Variants in TRAPPC9 observed in about 807,000 individuals in gnomAD.
TRAPPC9 encodes IKK2 binding protein.
In TRAPPC9, 83 loss-of-function variants were observed where a neutral mutation model predicts 124.0. The ratio of observed to expected loss-of-function variants is 0.67; its 90% CI spans 0.56 to 0.80. The LOEUF (loss-of-function observed/expected upper bound fraction) is 0.80. Among genes scored for constraint, TRAPPC9 ranks in the 30% least tolerant of loss-of-function variants. TRAPPC9 has a pLI of 0.00. For missense variants in TRAPPC9, 1,302 were observed against 1,508.3 expected, an observed-to-expected ratio of 0.86 and a Z score of 2.27; for synonymous variants, 638 against 617.5, an observed-to-expected ratio of 1.03 and a Z score of -0.49.
At chr8:140,342,659 C>A (rs1034629002) in intron 9 of TRAPPC9, among the ~76,000 whole-genome samples, 1 of 151,962 alleles carries the variant, frequency 6.6e-6, no homozygotes, top group African/African-American at 2.4e-5. Flanking sequence ...TCTCCCCAGC[C>A]CAGTGAAAAA....
intron 9 of TRAPPC9, among the ~76,000 whole-genome samples, chr8:140,343,865 G>A (rs1008242587): frequency 6.6e-6 from 1 of 152,080 alleles, no homozygotes; most frequent in African/African-American, 2.4e-5. Context: ...AGTCTTACTT[G>A]CACAAAATAA....
At chr8:139,899,247 A>G (rs1830868766) in intron 20 of TRAPPC9, among the ~76,000 whole-genome samples, 2 of 152,114 alleles carry the variant, frequency 1.3e-5, no homozygotes. Flanking sequence ...TCCACATGTA[A>G]TTTTTGACTC....
At chr8:140,404,785 C>CT (rs1166628746) in intron 6 of TRAPPC9, among the ~76,000 whole-genome samples, 3 of 150,598 alleles carry the variant, frequency 2.0e-5, no homozygotes, top group African/African-American at 7.4e-5. Flanking sequence ...TGTGAGCATG[C>CT]TTGTATGTAT....
chr8:140,091,165 G>A (rs374520342), intron 17 of TRAPPC9, among the ~76,000 whole-genome samples: 3 of 152,172 alleles, frequency 2.0e-5, no homozygotes, highest in African/African-American at 7.2e-5. Flanking sequence ...GAAGCCCCAC[G>A]ACTCGGAGGT....
intron 19 of TRAPPC9, among the ~76,000 whole-genome samples, chr8:139,971,611 C>G (rs1836070402): frequency 6.6e-6 from 1 of 152,096 alleles, no homozygotes; most frequent in African/African-American, 2.4e-5. Flanking sequence ...CACAAAGAAC[C>G]ATGCCTTGTT....
rs75923600 is a variant in TRAPPC9 at position 140,155,733 on chromosome 8, T to C, written c.2556+65726A>G. Among the ~76,000 whole-genome samples, 236 of 152,312 alleles carry C rather than the reference T, an allele frequency of 1.5e-3. 5 individuals carry two copies. In the East Asian group the frequency reaches 0.037, roughly 24 times the overall value. On this transcript the variant is annotated intron_variant, in intron 17 of 22. Transcript: ENST00000438773. ...TCCATCAATGTCCAAAAAAGCAGGA[T>C]AGCTAAACCAATTGAATGTATAATT... is the stretch of plus-strand genomic sequence containing the variant.
intron 9 of TRAPPC9, among the ~76,000 whole-genome samples, chr8:140,346,247 G>T (rs947594770): frequency 1.3e-5 from 2 of 152,196 alleles, no homozygotes; most frequent in Non-Finnish European, 2.9e-5. Flanking sequence ...GCTTCTCCCA[G>T]TTGCTCCATC....
At chr8:140,439,890 G>A (rs1200388760) in intron 2 of TRAPPC9, among the ~76,000 whole-genome samples, 1 of 151,916 alleles carries the variant, frequency 6.6e-6, no homozygotes, top group Non-Finnish European at 1.5e-5. Context: ...ACTGCAGCTG[G>A]ATTAAACTTT....
At chr8:140,094,987 G>A (rs564960109) in intron 17 of TRAPPC9, 5 of 152,190 alleles carry the variant, frequency 3.3e-5, no homozygotes, top group Non-Finnish European at 5.9e-5. Context: ...ATGTTTTATT[G>A]AAATAGTAAA....
chr8:139,870,194 G>T (rs770482970), intron 21 of TRAPPC9, among the ~76,000 whole-genome samples: 8 of 152,160 alleles, frequency 5.3e-5, no homozygotes, highest in Admixed American at 3.3e-4. Context: ...ATGACTTGGG[G>T]CCAATTAGGT....
At chr8:140,354,623 C>T (rs2067684092) in intron 9 of TRAPPC9, among the ~76,000 whole-genome samples, 1 of 152,224 alleles carries the variant, frequency 6.6e-6, no homozygotes, top group African/African-American at 2.4e-5. Flanking sequence ...AGACCCTCTT[C>T]AACCCTGGGG....
chr8:140,028,929 T>C (rs1840324885), intron 17 of TRAPPC9, among the ~76,000 whole-genome samples: 1 of 152,108 alleles, frequency 6.6e-6, no homozygotes. Context: ...AAAAAACAAC[T>C]ATACTAAAAC....
chr8:140,429,264 G>GTTT (rs1477479727), intron 4 of TRAPPC9, among the ~76,000 whole-genome samples: 2 of 152,016 alleles, frequency 1.3e-5, no homozygotes, highest in African/African-American at 4.8e-5. Flanking sequence ...TGTTGTTGTT[G>GTTT]TATTTTCAGT....
At chr8:140,013,955 G>A (rs961504776) in intron 18 of TRAPPC9, among the ~76,000 whole-genome samples, 9 of 152,128 alleles carry the variant, frequency 5.9e-5, no homozygotes, top group Non-Finnish European at 1.0e-4. Flanking sequence ...CAGGCGCATG[G>A]GGCTCTCACT....
chr8:140,058,375 T>A (rs1038487877), intron 17 of TRAPPC9, among the ~76,000 whole-genome samples: 2 of 152,204 alleles, frequency 1.3e-5, no homozygotes, highest in Non-Finnish European at 2.9e-5. Context: ...TTGGTCTTTC[T>A]CTGCATGAGA....
chr8:139,983,429 C>T lies in TRAPPC9; in HGVS notation c.2810+5297G>A, dbSNP rs140532964. Among the ~76,000 whole-genome samples the T allele has an allele frequency of 9.3e-3, 1,415 of 151,770 alleles. 16 individuals are homozygous for T. Among genetic ancestry groups the T allele is most frequent in the Middle Eastern group, 0.038 (11 of 292 alleles). Reference sequence around the variant, plus strand: ...AGCCACCTTCCTTGGCCCCCCAGTCCTAGGCCCCCCTCCTATGTGCTCTGC... The same window carrying T: ...AGCCACCTTCCTTGGCCCCCCAGTCTTAGGCCCCCCTCCTATGTGCTCTGC... On this transcript the variant is annotated intron_variant, in intron 19 of 22. Coordinates refer to ENST00000438773, the MANE Select transcript of TRAPPC9 (RefSeq NM_001160372.4).
chr8:139,938,111 A>G (rs1338638011), intron 19 of TRAPPC9, among the ~76,000 whole-genome samples: 8 of 152,214 alleles, frequency 5.3e-5, no homozygotes, highest in Non-Finnish European at 1.0e-4. Flanking sequence ...ACAATTAGGG[A>G]TAAGAAATAC....
In TRAPPC9 at chr8:140,257,036, T is replaced by A. The variant is rs2064282389; in HGVS notation, c.2279-4107A>T. On this transcript the variant is annotated intron_variant, in intron 15 of 22. Coordinates refer to ENST00000438773, the MANE Select transcript of TRAPPC9 (RefSeq NM_001160372.4). The surrounding 1 kb of genome is among the most constrained non-coding windows in gnomAD (Gnocchi z 4.6). ...AGTAAGTGTTCAGGTGTCTGAGCTC[T>A]CCCTCTGTGCCAGGCACTGTCTGAA... is the stretch of plus-strand genomic sequence containing the variant. Among the ~76,000 whole-genome samples, 1 of 152,146 alleles carries A rather than the reference T, an allele frequency of 6.6e-6. No individual in the cohort carries two copies. The highest frequency in any genetic ancestry group is 2.4e-5 in the African/African-American group (1 of 41,438).
At chr8:140,171,522 C>G (rs1255158464) in intron 17 of TRAPPC9, among the ~76,000 whole-genome samples, 1 of 152,216 alleles carries the variant, frequency 6.6e-6, no homozygotes, top group South Asian at 2.1e-4. Flanking sequence ...TCTATGCTTA[C>G]AGCTATGTCC....
Sources: gnomAD v4.1 joint callset for allele counts (sites outside exome capture counted in the v4.1 genomes callset) on GRCh38, gnomAD v4.1.1 for gene constraint, Gnocchi (gnomAD v3.1) non-coding constraint, MANE v1.5 for transcripts, NCBI Gene and HGNC (gene_info 2026-07-23, HGNC 2026-07-21) for gene names.